RASA3: variants seen among roughly 807,000 people sequenced by gnomAD.
RASA3 encodes RAS p21 protein activator 3.
Under a neutral mutation model 110.0 loss-of-function variants are expected in RASA3, and 73 were observed. That is an observed-to-expected ratio of 0.66 (90% confidence interval 0.55 to 0.81). The LOEUF (loss-of-function observed/expected upper bound fraction) is 0.81, where lower values mean the gene tolerates loss of function less well. Among genes scored for constraint, RASA3 ranks in the 30% least tolerant of loss-of-function variants. The pLI is 0.00. For synonymous variants in RASA3, 500 were observed against 451.4 expected, an observed-to-expected ratio of 1.11 and a Z score of -1.37; for missense variants, 976 against 1,113.2, an observed-to-expected ratio of 0.88 and a Z score of 1.75.
At chr13:114,033,192 A>G (rs372324335) in intron 4 of RASA3, among the ~76,000 whole-genome samples, 1 of 27,830 alleles carries the variant, frequency 3.6e-5, no homozygotes. Context: ...CGGCACCCCC[A>G]CACTGACACC....
chr13:114,074,607 G>A (rs147079898), intron 1 of RASA3, among the ~76,000 whole-genome samples: 2 of 152,366 alleles, frequency 1.3e-5, no homozygotes, highest in South Asian at 2.1e-4. Flanking sequence ...TCTTGTGGAC[G>A]TGAGTTAACT....
intron 3 of RASA3, among the ~76,000 whole-genome samples, chr13:114,050,552 TG>T (rs1211797350): frequency 1.3e-5 from 2 of 152,236 alleles, no homozygotes; most frequent in Non-Finnish European, 2.9e-5. Context: ...GAGGGGGCAC[TG>T]GCCTTATCAA....
At chr13:114,095,303 T>G (rs573528265) in intron 1 of RASA3, among the ~76,000 whole-genome samples, 6 of 152,316 alleles carry the variant, frequency 3.9e-5, no homozygotes, top group South Asian at 2.1e-4. Context: ...CACAGTGGTT[T>G]TTAGTATATT....
chr13:114,013,987 T>C (rs1264739624), intron 14 of RASA3, among the ~76,000 whole-genome samples: 2 of 147,512 alleles, frequency 1.4e-5, no homozygotes, highest in African/African-American at 2.6e-5. Context: ...GATCTCTCTC[T>C]CCATCTCTCT....
intron 1 of RASA3, among the ~76,000 whole-genome samples, chr13:114,076,938 G>T (rs1001918687): frequency 3.9e-5 from 6 of 152,174 alleles, no homozygotes; most frequent in African/African-American, 9.7e-5. Flanking sequence ...ATTTTACTGG[G>T]TTTTTTGTTT....
chr13:114,074,195 G>A (rs971104444), intron 1 of RASA3, among the ~76,000 whole-genome samples: 3 of 152,144 alleles, frequency 2.0e-5, no homozygotes, highest in East Asian at 1.9e-4. Flanking sequence ...CACGTTCACC[G>A]AGTTGTGCAA....
At chr13:114,090,132 G>C (rs575060522) in intron 1 of RASA3, among the ~76,000 whole-genome samples, 1 of 152,188 alleles carries the variant, frequency 6.6e-6, no homozygotes, top group Non-Finnish European at 1.5e-5. Context: ...ATGTGAACAC[G>C]GACAGCTTTG....
Position 114,074,037 on chromosome 13 carries a change from C to G in RASA3, c.56-200G>C, listed in dbSNP as rs376084317. Among the ~76,000 whole-genome samples, 3 of 152,254 alleles carry G rather than the reference C, an allele frequency of 2.0e-5. No homozygotes were observed. In the East Asian group the frequency reaches 5.8e-4, roughly 29 times the overall value. ...AGGCGAGGGACATGCACGCCACCCT[C>G]TAATGCAAGTCCCGCAAGCAGGGAC... On this transcript the variant is annotated intron_variant, in intron 1 of 23. Coordinates refer to ENST00000334062, the MANE Select transcript of RASA3 (RefSeq NM_007368.4).
intron 9 of RASA3, among the ~76,000 whole-genome samples, chr13:114,020,135 G>A (rs1204968629): frequency 2.0e-5 from 1 of 50,998 alleles, no homozygotes; most frequent in Non-Finnish European, 3.5e-5. Context: ...TGTGTCCGAG[G>A]CATTAGCAGC....
At chr13:114,099,386 C>G (rs545693095) in intron 1 of RASA3, among the ~76,000 whole-genome samples, 3 of 151,420 alleles carry the variant, frequency 2.0e-5, no homozygotes, top group Non-Finnish European at 4.4e-5. Flanking sequence ...ACAGAAATAG[C>G]GTGTCTTGTG....
chr13:114,013,595 C>CTCCATCT (rs1244669762), intron 14 of RASA3, among the ~76,000 whole-genome samples: 6 of 109,070 alleles, frequency 5.5e-5, no homozygotes, highest in African/African-American at 1.5e-4. Context: ...TCTCTCTCTC[C>CTCCATCT]GTCTCTGGCT....
intron 5 of RASA3, 62 bp from the exon 6 acceptor site, chr13:114,027,989 C>T: frequency 2.8e-6 from 4 of 1,424,972 alleles, no homozygotes; most frequent in Admixed American, 1.8e-5. Context: ...AATGGCGAGA[C>T]AGCTCTGGGT....
At chr13:114,093,175 A>C (rs763948129) in intron 1 of RASA3, among the ~76,000 whole-genome samples, 7 of 152,246 alleles carry the variant, frequency 4.6e-5, no homozygotes, top group Non-Finnish European at 1.0e-4. Context: ...TTACAGTATT[A>C]GTATGACAAT....
intron 2 of RASA3, among the ~76,000 whole-genome samples, chr13:114,071,356 C>G (rs997937689): frequency 5.9e-5 from 9 of 152,184 alleles, no homozygotes; most frequent in Admixed American, 1.3e-4. Context: ...TCAACCTCAC[C>G]TGAAAGAGAG....
chr13:114,078,087 C>T, intron 1 of RASA3: 1 of 837,176 alleles, frequency 1.2e-6, no homozygotes, highest in Non-Finnish European at 1.4e-6. Flanking sequence ...CAATGAGCTG[C>T]TCAGACCAGG....
chr13:114,106,537 A>G (rs879439289), intron 1 of RASA3, among the ~76,000 whole-genome samples: 1 of 152,264 alleles, frequency 6.6e-6, no homozygotes, highest in Admixed American at 6.5e-5. Flanking sequence ...AACATAAAAT[A>G]TAAAACAATG....
chr13:113,988,875 T>C (rs1030250253), intron 22 of RASA3, among the ~76,000 whole-genome samples: 1 of 145,568 alleles, frequency 6.9e-6, no homozygotes, highest in Non-Finnish European at 1.5e-5. Context: ...CATTGGTCCA[T>C]CTGCCCATCA....
At chr13:114,097,762 T>C (rs2139723519) in intron 1 of RASA3, among the ~76,000 whole-genome samples, 1 of 152,322 alleles carries the variant, frequency 6.6e-6, no homozygotes, top group South Asian at 2.1e-4. Flanking sequence ...TGCAGGTTTC[T>C]AGGGCAAGAG....
Position 114,114,099 on chromosome 13 carries a change from T to C in RASA3, c.55+18336A>G, listed in dbSNP as rs1345299287. Among the ~76,000 whole-genome samples, 1 of 152,032 alleles carries C rather than the reference T, an allele frequency of 6.6e-6. No homozygotes were observed. The highest frequency in any genetic ancestry group is 6.5e-5 in the Admixed American group (1 of 15,274). On this transcript the variant is annotated intron_variant, in intron 1 of 23. Transcript: ENST00000334062. The surrounding 1 kb of genome is among the most constrained non-coding windows in gnomAD (Gnocchi z 4.8). ...CCACAGCAAGTGTCTGCGATGTCTG[T>C]AGTGTCTGCGATGTCTGTAGTATCT...
Sources: allele counts gnomAD v4.1 joint callset (sites outside exome capture counted in the v4.1 genomes callset), GRCh38; gene constraint gnomAD v4.1.1; non-coding constraint Gnocchi (gnomAD v3.1); transcripts MANE v1.5; gene names NCBI Gene and HGNC (gene_info 2026-07-23, HGNC 2026-07-21).